CSMD2: variants seen among roughly 807,000 people sequenced by gnomAD.
CSMD2 encodes CUB and sushi domain-containing protein 2.
In CSMD2, 130 loss-of-function variants were observed where a neutral mutation model predicts 398.5. The observed-to-expected ratio is 0.33, with a 90% CI of 0.28 to 0.38. The LOEUF (loss-of-function observed/expected upper bound fraction) is 0.38. CSMD2 is among the 10% of genes least tolerant of loss of function. CSMD2 has a pLI of 1.00. For synonymous variants in CSMD2, 1,828 were observed against 1,908.5 expected, an observed-to-expected ratio of 0.96 and a Z score of 1.10; for missense variants, 3,829 against 4,764.9, an observed-to-expected ratio of 0.80 and a Z score of 5.78.
At chr1:33,553,597 G>A (rs1570711879) in intron 55 of CSMD2, among the ~76,000 whole-genome samples, 1 of 152,246 alleles carries the variant, frequency 6.6e-6, no homozygotes, top group East Asian at 1.9e-4. Flanking sequence ...TCAAAAGCTA[G>A]GAATGATTAA....
intron 44 of CSMD2, chr1:33,599,507 G>A (rs2148798303): frequency 1.3e-5 from 2 of 152,272 alleles, no homozygotes; most frequent in South Asian, 4.1e-4. Context: ...CCTATTTTGT[G>A]CATAATAACA....
chr1:33,898,459 C>T (rs1254143943), intron 5 of CSMD2, among the ~76,000 whole-genome samples: 2 of 152,126 alleles, frequency 1.3e-5, no homozygotes, highest in Non-Finnish European at 2.9e-5. Flanking sequence ...GATAAAAATG[C>T]CCTTTTGCCT....
intron 3 of CSMD2, among the ~76,000 whole-genome samples, chr1:33,963,742 T>C (rs979810198): frequency 4.6e-5 from 7 of 152,270 alleles, no homozygotes; most frequent in Non-Finnish European, 8.8e-5. Context: ...TATCAGTTCC[T>C]TCTTGTTTAT....
intron 13 of CSMD2, among the ~76,000 whole-genome samples, chr1:33,745,353 T>C (rs547748398): frequency 6.6e-6 from 1 of 152,344 alleles, no homozygotes; most frequent in Non-Finnish European, 1.5e-5. Context: ...TAAACATCTT[T>C]TAATATATAC....
intron 3 of CSMD2, among the ~76,000 whole-genome samples, chr1:33,939,574 CT>C (rs1366055942): frequency 1.3e-5 from 2 of 152,322 alleles, no homozygotes; most frequent in East Asian, 3.9e-4. Context: ...AATGAACCTG[CT>C]TCTGCTTTGG....
intron 2 of CSMD2, among the ~76,000 whole-genome samples, chr1:34,072,709 C>G (rs1355020096): frequency 6.6e-6 from 1 of 152,154 alleles, no homozygotes; most frequent in East Asian, 1.9e-4. Flanking sequence ...TGATTTTGAC[C>G]TTGAACCACA....
chr1:33,782,846 A>AT (rs1160252382), intron 12 of CSMD2, among the ~76,000 whole-genome samples: 1 of 152,142 alleles, frequency 6.6e-6, no homozygotes, highest in Non-Finnish European at 1.5e-5. Flanking sequence ...AGAAAACGTT[A>AT]TACTTTATCC....
At chr1:34,115,453 T>C (rs765870226) in intron 1 of CSMD2, among the ~76,000 whole-genome samples, 6 of 152,016 alleles carry the variant, frequency 3.9e-5, no homozygotes, top group Non-Finnish European at 8.8e-5. Flanking sequence ...TTCAAAGTAC[T>C]GAAAGGAAAA....
intron 28 of CSMD2, among the ~76,000 whole-genome samples, chr1:33,651,098 C>T (rs556083615): frequency 2.0e-4 from 31 of 152,202 alleles, no homozygotes; most frequent in African/African-American, 2.4e-4. Flanking sequence ...TTGAGTGACA[C>T]GATCACTCTG....
chr1:33,853,903 A>AC (rs1246161251), intron 5 of CSMD2, among the ~76,000 whole-genome samples: 3 of 152,214 alleles, frequency 2.0e-5, no homozygotes, highest in African/African-American at 4.8e-5. Flanking sequence ...GAACCAGCTA[A>AC]CCTTAAAATC....
chr1:33,651,331 C>T (rs1377533709), intron 28 of CSMD2, among the ~76,000 whole-genome samples: 8 of 152,188 alleles, frequency 5.3e-5, no homozygotes, highest in African/African-American at 1.7e-4. Context: ...TCAATGCCAG[C>T]CCCAAGGCTC....
At chr1:33,900,855 A>G (rs1392117326) in intron 5 of CSMD2, among the ~76,000 whole-genome samples, 1 of 152,212 alleles carries the variant, frequency 6.6e-6, no homozygotes, top group Non-Finnish European at 1.5e-5. Flanking sequence ...TGCCTGAAAC[A>G]TGGTAGCTCT....
intron 12 of CSMD2, among the ~76,000 whole-genome samples, chr1:33,781,529 CCT>C (rs1395814105): frequency 6.6e-6 from 1 of 152,110 alleles, no homozygotes; most frequent in Admixed American, 6.5e-5. Flanking sequence ...ACATGAGTGC[CCT>C]GGACTGTTGG....
intron 3 of CSMD2, among the ~76,000 whole-genome samples, chr1:34,024,428 T>A (rs1649358146): frequency 6.6e-6 from 1 of 152,256 alleles, no homozygotes; most frequent in Admixed American, 6.5e-5. Context: ...AAAGCTATGT[T>A]AATACTCTTC....
intron 12 of CSMD2, among the ~76,000 whole-genome samples, chr1:33,783,375 C>A (rs546421909): frequency 6.6e-6 from 1 of 151,554 alleles, no homozygotes; most frequent in South Asian, 2.1e-4. Context: ...AAGGGCAGGG[C>A]CCCGATCTGA....
At chr1:34,158,983 C>T (rs904594548) in intron 1 of CSMD2, among the ~76,000 whole-genome samples, 3 of 152,184 alleles carry the variant, frequency 2.0e-5, no homozygotes, top group Non-Finnish European at 2.9e-5. Flanking sequence ...CCCCTTAACC[C>T]GTTTCCAGTC....
intron 3 of CSMD2, among the ~76,000 whole-genome samples, chr1:33,996,533 C>T (rs2148015840): frequency 6.6e-6 from 1 of 152,262 alleles, no homozygotes; most frequent in African/African-American, 2.4e-5. Flanking sequence ...TGAGCCAAGC[C>T]CTGAGGAAGG....
chr1:34,066,114 A>G (rs796967353), intron 2 of CSMD2, among the ~76,000 whole-genome samples: 4 of 152,282 alleles, frequency 2.6e-5, no homozygotes, highest in African/African-American at 9.6e-5. Context: ...TACATTCCCC[A>G]TAGGGCTGCT....
intron 1 of CSMD2, among the ~76,000 whole-genome samples, chr1:34,129,279 C>T (rs1663079097): frequency 1.3e-5 from 2 of 151,868 alleles, no homozygotes; most frequent in African/African-American, 2.4e-5. Flanking sequence ...TGTGTAGAAG[C>T]GTGTGTGTGT....
Sources: allele counts gnomAD v4.1 joint callset (sites outside exome capture counted in the v4.1 genomes callset), GRCh38; gene constraint gnomAD v4.1.1; transcripts MANE v1.5; gene names NCBI Gene and HGNC (gene_info 2026-07-23, HGNC 2026-07-21).